Variants in DLG2 observed in about 807,000 individuals in gnomAD.
DLG2 encodes discs large MAGUK scaffold protein 2.
A neutral mutation model predicts 132.5 loss-of-function variants in DLG2; 45 were observed. The observed-to-expected ratio is 0.34, with a 90% CI of 0.27 to 0.44. The LOEUF is 0.44. DLG2 is among the 20% of genes least tolerant of loss of function. The pLI is 1.00. For synonymous variants in DLG2, 424 were observed against 419.6 expected, an observed-to-expected ratio of 1.01 and a Z score of -0.13; for missense variants, 1,045 against 1,196.9, an observed-to-expected ratio of 0.87 and a Z score of 1.87.
chr11:83,710,158 A>G (rs1396618359), intron 18 of DLG2, among the ~76,000 whole-genome samples: 1 of 141,900 alleles, frequency 7.0e-6, no homozygotes, highest in Non-Finnish European at 1.5e-5. Flanking sequence ...AGCACAGCAA[A>G]TAAGGTACTT....
intron 4 of DLG2, 24 bp from the exon 5 acceptor site, chr11:85,154,675 A>C: frequency 8.8e-7 from 1 of 1,139,018 alleles, no homozygotes; most frequent in Non-Finnish European, 1.3e-6. Flanking sequence ...TTAAAAAATC[A>C]ATACTCCTTT....
intron 18 of DLG2, among the ~76,000 whole-genome samples, chr11:83,713,187 G>C (rs1000459456): frequency 1.3e-5 from 2 of 152,056 alleles, no homozygotes; most frequent in African/African-American, 4.8e-5. Context: ...TAAATTGTCT[G>C]AAGAAGGTAA....
intron 5 of DLG2, among the ~76,000 whole-genome samples, chr11:85,135,467 C>CA (rs768078853): frequency 8.1e-4 from 124 of 152,334 alleles, no homozygotes; most frequent in Non-Finnish European, 1.2e-3. Context: ...TTCGGAACTT[C>CA]ATTCCATCTT....
chr11:85,569,483 A>G (rs1250310776), intron 3 of DLG2, among the ~76,000 whole-genome samples: 7 of 152,138 alleles, frequency 4.6e-5, no homozygotes, highest in African/African-American at 7.2e-5. Flanking sequence ...ACTACTGGTA[A>G]TTTAAGAGTG....
chr11:85,559,692 T>A (rs187970711), intron 3 of DLG2, among the ~76,000 whole-genome samples: 1 of 151,560 alleles, frequency 6.6e-6, no homozygotes, highest in Admixed American at 6.6e-5. Context: ...GTAAATACCA[T>A]GTAAAAAAAA....
chr11:83,913,008 ATTGAATGCAG>A (rs1235997891), intron 15 of DLG2, among the ~76,000 whole-genome samples: 1 of 152,142 alleles, frequency 6.6e-6, no homozygotes, highest in Non-Finnish European at 1.5e-5. Context: ...TTTAATTCAA[ATTGAATGCAG>A]TCACCTGACC....
intron 15 of DLG2, among the ~76,000 whole-genome samples, chr11:83,892,266 C>T (rs2070156907): frequency 6.6e-6 from 1 of 152,110 alleles, no homozygotes. Flanking sequence ...TAAATTTGAT[C>T]CAGTAAAGTG....
intron 8 of DLG2, among the ~76,000 whole-genome samples, chr11:84,240,168 C>T (rs963202274): frequency 6.6e-5 from 10 of 152,198 alleles, no homozygotes; most frequent in African/African-American, 2.2e-4. Context: ...AGCACGTCAG[C>T]ATGGTGGTAG....
chr11:85,111,687 C>A lies in DLG2; in HGVS notation c.331G>T (p.Ala111Ser). The change falls in exon 6 of 28, where the codon GCT becomes TCT. Residue 111 changes from alanine (A) to serine (S), a missense_variant. Around this residue, in one of 4 missense-constraint regions of DLG2, gnomAD observed 277 missense variants for 238.2 expected, o/e 1.16. Coordinates refer to ENST00000376104, the MANE Select transcript of DLG2 (RefSeq NM_001142699.3). ...PAQNCSVEAP[A>S]WMPVHHCTKY... is the part of the protein sequence containing the mutation. ...GTACAGTGGTGGACAGGCATCCAAG[C>A]AGGGGCTTCCACTGAACAATTCTGG... The A allele has an allele frequency of 6.4e-7, 1 of 1,565,924 alleles. No homozygotes were observed. The highest frequency in any genetic ancestry group is 2.4e-5 in the East Asian group (1 of 42,260).
chr11:84,853,553 T>C (rs146210610), intron 6 of DLG2, among the ~76,000 whole-genome samples: 116 of 152,160 alleles, frequency 7.6e-4, no homozygotes, highest in African/African-American at 2.8e-3. Flanking sequence ...TGTTCTCTCA[T>C]GTATTAAAGA....
At chr11:85,107,927 T>TA (rs5793156) in intron 6 of DLG2, among the ~76,000 whole-genome samples, 15,206 of 26,254 alleles carry the variant, frequency 0.58, 6,541 homozygotes, top group African/African-American at 0.64. Flanking sequence ...GGACAAGTCT[T>TA]AAAAAAAAAA....
chr11:85,517,355 C>T (rs1360731415), intron 3 of DLG2, among the ~76,000 whole-genome samples: 1 of 152,096 alleles, frequency 6.6e-6, no homozygotes, highest in African/African-American at 2.4e-5. Flanking sequence ...TGAAGGCATT[C>T]CCCCTAAAAC....
rs545687889 is a variant in DLG2, at chr11:84,508,760, T to C, written c.519+25810A>G. Reference sequence around the variant, plus strand: ...AGCACTTACCATCATCTGACATTTATATTATTTCTTTATTTGTTTATTGTC... The same window carrying C: ...AGCACTTACCATCATCTGACATTTACATTATTTCTTTATTTGTTTATTGTC... On this transcript the variant is annotated intron_variant, in intron 7 of 27. Transcript: ENST00000376104. Among the ~76,000 whole-genome samples the C allele has an allele frequency of 5.3e-5, 8 of 152,340 alleles. No individual in the cohort carries two copies. The South Asian group carries it at 1.7e-3, about 32-fold the overall frequency.
intron 6 of DLG2, among the ~76,000 whole-genome samples, chr11:84,661,593 T>C (rs2099694492): frequency 6.6e-6 from 1 of 152,162 alleles, no homozygotes; most frequent in Non-Finnish European, 1.5e-5. Flanking sequence ...AATAATTCAC[T>C]ATGGACCAAG....
intron 8 of DLG2, among the ~76,000 whole-genome samples, chr11:84,201,580 CTTTT>C (rs35796062): frequency 2.3e-5 from 3 of 131,724 alleles, no homozygotes; most frequent in Non-Finnish European, 1.7e-5. Flanking sequence ...TGGTTCTGGG[CTTTT>C]TTTTTTTTTT....
At chr11:84,654,620 C>G (rs2099686009) in intron 6 of DLG2, among the ~76,000 whole-genome samples, 1 of 152,138 alleles carries the variant, frequency 6.6e-6, no homozygotes, top group Admixed American at 6.6e-5. Context: ...AAAGGACGTG[C>G]TGTTCTGAAT....
intron 26 of DLG2, among the ~76,000 whole-genome samples, chr11:83,464,205 C>A (rs1226264384): frequency 1.3e-5 from 2 of 152,152 alleles, no homozygotes; most frequent in Non-Finnish European, 2.9e-5. Flanking sequence ...CAGATGGTGG[C>A]ACAATATAAA....
chr11:85,594,067 G>T (rs1002902734), intron 3 of DLG2, among the ~76,000 whole-genome samples: 5 of 152,016 alleles, frequency 3.3e-5, no homozygotes, highest in Non-Finnish European at 7.4e-5. Flanking sequence ...CCACATTATG[G>T]GGATATAAAA....
chr11:84,794,444 G>A (rs1404606363), intron 6 of DLG2, among the ~76,000 whole-genome samples: 3 of 152,306 alleles, frequency 2.0e-5, no homozygotes, highest in Non-Finnish European at 4.4e-5. Context: ...AACTCCTTCC[G>A]AGTTGGCAGA....
Sources: gnomAD v4.1 joint callset for allele counts (sites outside exome capture counted in the v4.1 genomes callset) on GRCh38, gnomAD v4.1.1 for gene constraint, gnomAD v4.1.1 regional missense constraint, MANE v1.5 for transcripts, NCBI Gene and HGNC (gene_info 2026-07-23, HGNC 2026-07-21) for gene names.